FNDC3B: variants seen among roughly 807,000 people sequenced by gnomAD.
The protein encoded by FNDC3B is fibronectin type III domain-containing protein 3B.
Under a neutral mutation model 151.5 loss-of-function variants are expected in FNDC3B, and 12 were observed. The ratio of observed to expected loss-of-function variants is 0.08; its 90% confidence interval spans 0.05 to 0.13. The LOEUF (loss-of-function observed/expected upper bound fraction) is 0.13, where lower values mean the gene tolerates loss of function less well. FNDC3B is among the 10% of genes least tolerant of loss of function. The pLI is 1.00. For missense variants in FNDC3B, 1,214 were observed against 1,505.3 expected, an observed-to-expected ratio of 0.81 and a Z score of 3.20; for synonymous variants, 528 against 549.0, an observed-to-expected ratio of 0.96 and a Z score of 0.54.
At chr3:172,330,857 A>G in intron 13 of FNDC3B, 142 bp downstream of exon 13, 1 of 626,724 alleles carries the variant, frequency 1.6e-6, no homozygotes. Context: ...CACTACCAAC[A>G]CCGGCCTGTT....
intron 2 of FNDC3B, among the ~76,000 whole-genome samples, chr3:172,131,779 C>T (rs1295159314): frequency 6.6e-6 from 1 of 151,690 alleles, no homozygotes; most frequent in Non-Finnish European, 1.5e-5. Context: ...AAAAGTTTTA[C>T]AAAACAAATT....
At chr3:172,046,764 T>A (rs540945432) in intron 1 of FNDC3B, 1 of 152,368 alleles carries the variant, frequency 6.6e-6, no homozygotes, top group African/African-American at 2.4e-5. Flanking sequence ...GTGTCTTGTG[T>A]TAAATGATTC....
chr3:172,120,907 T>A (rs1214243430), intron 2 of FNDC3B, among the ~76,000 whole-genome samples: 1 of 151,904 alleles, frequency 6.6e-6, no homozygotes, highest in African/African-American at 2.4e-5. Context: ...GAGGTTGCAG[T>A]GAGCCGAGAT....
intron 23 of FNDC3B, among the ~76,000 whole-genome samples, chr3:172,371,564 C>T (rs1305678987): frequency 6.6e-6 from 1 of 152,222 alleles, no homozygotes; most frequent in Non-Finnish European, 1.5e-5. Context: ...AGACTGTAAA[C>T]TTTTAATGAC....
chr3:172,144,933 C>T (rs1226505226), intron 3 of FNDC3B, among the ~76,000 whole-genome samples: 1 of 151,896 alleles, frequency 6.6e-6, no homozygotes, highest in Non-Finnish European at 1.5e-5. Flanking sequence ...TTTATGATTC[C>T]TGCTTTTGAG....
chr3:172,352,971 A>G lies in FNDC3B; in HGVS notation c.2683A>G (p.Asn895Asp). 1 of 1,614,190 alleles carries G rather than the reference A, an allele frequency of 6.2e-7. No homozygotes were observed. The highest frequency in any genetic ancestry group is 1.1e-5 in the South Asian group (1 of 91,082). Reference protein sequence around the residue: ...CLVLNWEEPCNNGSEILAYTI... With the variant: ...CLVLNWEEPCDNGSEILAYTI... ...TGTACTGAACTGGGAAGAGCCGTGC[A>G]ATAACGGATCTGAAATCCTTGCTTA... Residue 895 changes from asparagine to aspartate, a missense_variant, in exon 22 of 26, where the codon AAT becomes GAT. By Grantham distance (23) the Asn-to-Asp change is conservative. This residue lies in a region of FNDC3B where 284 missense variants were observed against 392.4 expected (regional missense o/e 0.72). Transcript: ENST00000415807. This position sits in a 1 kb window ranked among gnomAD's most constrained non-coding sequence, Gnocchi z 4.2.
intron 6 of FNDC3B, among the ~76,000 whole-genome samples, chr3:172,282,542 A>G (rs1729788236): frequency 6.6e-6 from 1 of 152,110 alleles, no homozygotes; most frequent in Non-Finnish European, 1.5e-5. Flanking sequence ...CACTTTTTAA[A>G]TTCTTCCTTT....
intron 3 of FNDC3B, among the ~76,000 whole-genome samples, chr3:172,210,163 TC>T (rs1448630771): frequency 1.3e-5 from 2 of 152,074 alleles, no homozygotes. Flanking sequence ...GGCACAGGGT[TC>T]CCACCGGGAT....
At chr3:172,252,775 A>G (rs1225766976) in intron 6 of FNDC3B, among the ~76,000 whole-genome samples, 1 of 152,142 alleles carries the variant, frequency 6.6e-6, no homozygotes, top group Non-Finnish European at 1.5e-5. Flanking sequence ...TGAATTATGT[A>G]TTCTTTTCTC....
intron 22 of FNDC3B, among the ~76,000 whole-genome samples, chr3:172,359,766 T>C (rs1232937295): frequency 1.3e-5 from 2 of 152,204 alleles, no homozygotes; most frequent in South Asian, 4.1e-4. Context: ...TCTTTCAGTG[T>C]TATACCGAGA....
chr3:172,198,378 C>A (rs1724960027), intron 3 of FNDC3B, among the ~76,000 whole-genome samples: 1 of 152,134 alleles, frequency 6.6e-6, no homozygotes, highest in Non-Finnish European at 1.5e-5. Context: ...GGACACTCAC[C>A]ATAGGTAATA....
chr3:172,079,969 A>T (rs1173482964), intron 1 of FNDC3B, among the ~76,000 whole-genome samples: 1 of 152,228 alleles, frequency 6.6e-6, no homozygotes, highest in Non-Finnish European at 1.5e-5. Flanking sequence ...TCCTAAAACA[A>T]AAAGTTTGTT....
chr3:172,293,446 C>G (rs969784519), intron 7 of FNDC3B, among the ~76,000 whole-genome samples: 2 of 152,202 alleles, frequency 1.3e-5, no homozygotes, highest in Admixed American at 1.3e-4. Flanking sequence ...GAAACTCAGA[C>G]TATCTTATTT....
chr3:172,389,022 A>T (rs1735871736), intron 25 of FNDC3B, among the ~76,000 whole-genome samples: 1 of 152,164 alleles, frequency 6.6e-6, no homozygotes, highest in Non-Finnish European at 1.5e-5. Context: ...CCGCAGAAGG[A>T]TGTTACCTTC....
chr3:172,095,754 T>C (rs1719060857), intron 1 of FNDC3B, among the ~76,000 whole-genome samples: 1 of 151,720 alleles, frequency 6.6e-6, no homozygotes, highest in South Asian at 2.1e-4. Context: ...CTATGAACAC[T>C]TTGGTGTATG....
intron 1 of FNDC3B, among the ~76,000 whole-genome samples, chr3:172,046,352 A>G (rs1278233692): frequency 6.6e-6 from 1 of 152,016 alleles, no homozygotes; most frequent in Admixed American, 6.6e-5. Context: ...CTTTTTTAAG[A>G]TACAGTGTTT....
At chr3:172,237,377 T>C (rs1223913110) in intron 4 of FNDC3B, 1 of 152,192 alleles carries the variant, frequency 6.6e-6, no homozygotes, top group Admixed American at 6.5e-5. Context: ...CCCAGGAGTA[T>C]TGGGCTGTAT....
chr3:172,384,728 A>G (rs1393453001), intron 25 of FNDC3B, among the ~76,000 whole-genome samples: 1 of 152,232 alleles, frequency 6.6e-6, no homozygotes, highest in Non-Finnish European at 1.5e-5. Context: ...TTGCCAAACT[A>G]TAGGTGAATC....
intron 1 of FNDC3B, among the ~76,000 whole-genome samples, chr3:172,105,497 A>C (rs1002799746): frequency 5.9e-5 from 9 of 152,120 alleles, no homozygotes; most frequent in Non-Finnish European, 1.2e-4. Context: ...CTTTCTCCAA[A>C]CACAATACAG....
Sources: allele counts gnomAD v4.1 joint callset (sites outside exome capture counted in the v4.1 genomes callset), GRCh38; gene constraint gnomAD v4.1.1; regional missense constraint gnomAD v4.1.1; non-coding constraint Gnocchi (gnomAD v3.1); transcripts MANE v1.5; gene names NCBI Gene and HGNC (gene_info 2026-07-23, HGNC 2026-07-21).